KCNK2: variants seen among roughly 807,000 people sequenced by gnomAD.
KCNK2 encodes the protein potassium two pore domain channel subfamily K member 2, also known as potassium channel subfamily K member 2.
KCNK2 carries 21 observed loss-of-function variants against 40.5 expected under a neutral mutation model. The ratio of observed to expected loss-of-function variants is 0.52; its 90% CI spans 0.37 to 0.75. The LOEUF (loss-of-function observed/expected upper bound fraction) is 0.75, where lower values mean the gene tolerates loss of function less well. Ranked by LOEUF, KCNK2 falls within the 30% of genes least tolerant of loss-of-function variation. The pLI is 0.00. For synonymous variants in KCNK2, 191 were observed against 202.2 expected (o/e 0.94, Z 0.47); for missense variants, 399 against 531.6 (o/e 0.75, Z 2.45).
chr1:215,158,912 G>A (rs1436041858), intron 3 of KCNK2, among the ~76,000 whole-genome samples: 2 of 151,944 alleles, frequency 1.3e-5, no homozygotes, highest in Non-Finnish European at 2.9e-5. Flanking sequence ...TCAAGTTTTT[G>A]GTACTCAGTT....
At chr1:215,178,622 GT>G (rs1664093252) in intron 5 of KCNK2, among the ~76,000 whole-genome samples, 1 of 152,038 alleles carries the variant, frequency 6.6e-6, no homozygotes, top group African/African-American at 2.4e-5. Context: ...TGATAGTATG[GT>G]TCTTGTTTTT....
At chr1:215,113,512 C>A (rs1660792501) in intron 2 of KCNK2, among the ~76,000 whole-genome samples, 1 of 152,204 alleles carries the variant, frequency 6.6e-6, no homozygotes, top group African/African-American at 2.4e-5. Flanking sequence ...TCACAAGGTT[C>A]TGGTGAAGCC....
intron 6 of KCNK2, among the ~76,000 whole-genome samples, chr1:215,215,848 C>A (rs952096699): frequency 6.6e-6 from 1 of 152,280 alleles, no homozygotes; most frequent in East Asian, 1.9e-4. Context: ...TCAGGGTAAG[C>A]CCCTGCACTC....
chr1:215,197,805 G>A (rs2102668982), intron 6 of KCNK2, among the ~76,000 whole-genome samples: 1 of 152,288 alleles, frequency 6.6e-6, no homozygotes, highest in Admixed American at 6.5e-5. Flanking sequence ...TTTAAGATCA[G>A]TCTAGCCAAC....
At chr1:215,008,864 C>T (rs1656278913) in intron 1 of KCNK2, among the ~76,000 whole-genome samples, 1 of 150,728 alleles carries the variant, frequency 6.6e-6, no homozygotes, top group South Asian at 2.1e-4. Context: ...AGAATGCATG[C>T]TTTTTTTTTA....
chr1:215,119,953 T>C (rs1410116342), intron 2 of KCNK2, among the ~76,000 whole-genome samples: 1 of 152,180 alleles, frequency 6.6e-6, no homozygotes, highest in Non-Finnish European at 1.5e-5. Context: ...GGACATCCAG[T>C]TTCCTGTGGA....
At chr1:215,187,193 C>T (rs1224837569) in intron 5 of KCNK2, among the ~76,000 whole-genome samples, 2 of 152,140 alleles carry the variant, frequency 1.3e-5, no homozygotes, top group African/African-American at 4.8e-5. Context: ...TGGTCTTGAA[C>T]TCCTGGGCTC....
At position 215,057,886 on chromosome 1, in the gene KCNK2, A is replaced by G. The variant is rs555626626; in HGVS notation, c.35-28482A>G. On this transcript the variant is annotated intron_variant, in intron 1 of 6. Coordinates refer to the KCNK2 transcript ENST00000391895. Reference sequence around the variant, plus strand: ...CATATCTTCCTTACAGGGAAGCTGCAAGAAATAATTCAGACAATAAATGTG... The same window carrying G: ...CATATCTTCCTTACAGGGAAGCTGCGAGAAATAATTCAGACAATAAATGTG... 3.9e-5 allele frequency among the ~76,000 whole-genome samples: 6 copies of G among 152,216 alleles called. No individual in the cohort carries two copies. In the South Asian group the frequency reaches 1.0e-3, roughly 26 times the overall value.
intron 4 of KCNK2, among the ~76,000 whole-genome samples, chr1:215,171,438 T>A (rs556903071): frequency 1.3e-5 from 2 of 152,154 alleles, no homozygotes; most frequent in Non-Finnish European, 2.9e-5. Flanking sequence ...GTTAGTATTA[T>A]GCTGTAATCA....
intron 1 of KCNK2, among the ~76,000 whole-genome samples, chr1:215,029,517 T>C (rs1657111852): frequency 6.8e-6 from 1 of 147,622 alleles, no homozygotes; most frequent in Admixed American, 6.8e-5. Context: ...AGAATATATT[T>C]AGATATTTAA....
intron 2 of KCNK2, among the ~76,000 whole-genome samples, chr1:215,106,461 C>A (rs2102557061): frequency 6.6e-6 from 1 of 151,772 alleles, no homozygotes; most frequent in South Asian, 2.1e-4. Context: ...ATTTAAGTTC[C>A]TTATGAATTC....
chr1:215,204,507 T>C (rs983301816), intron 6 of KCNK2, among the ~76,000 whole-genome samples: 1 of 152,170 alleles, frequency 6.6e-6, no homozygotes, highest in Non-Finnish European at 1.5e-5. Flanking sequence ...CAAGATATAA[T>C]ATTATTTTTC....
Position 215,115,499 on chromosome 1 carries a change from T to C in KCNK2, c.358-9134T>C, listed in dbSNP as rs145566074. 2.1e-3 allele frequency among the ~76,000 whole-genome samples: 315 copies of C among 152,216 alleles called. 1 individual carries two copies. Among genetic ancestry groups the C allele is most frequent in the African/African-American group, 7.5e-3 (311 of 41,562 alleles). On this transcript the variant is annotated intron_variant, in intron 2 of 6. Coordinates refer to ENST00000444842, the MANE Select transcript of KCNK2 (RefSeq NM_001017425.3). ...TTAGTGTAGCACGCCTTGGGCAACA[T>C]GGTACAAAAATATTGTTTCAGGTAC...
intron 6 of KCNK2, among the ~76,000 whole-genome samples, chr1:215,229,373 G>A (rs146169269): frequency 0.013 from 1,957 of 152,152 alleles, 14 homozygotes; most frequent in Middle Eastern, 0.031. Flanking sequence ...GTACAACAAA[G>A]AGGGAACAGG....
chr1:215,131,150 G>T (rs1167729140), intron 3 of KCNK2, among the ~76,000 whole-genome samples: 1 of 151,550 alleles, frequency 6.6e-6, no homozygotes, highest in African/African-American at 2.4e-5. Context: ...GTGAGCCACC[G>T]CGCCCAGCAA....
chr1:215,062,043 T>C (rs1052970353), intron 1 of KCNK2, among the ~76,000 whole-genome samples: 1 of 152,184 alleles, frequency 6.6e-6, no homozygotes, highest in African/African-American at 2.4e-5. Flanking sequence ...TGTAATATAA[T>C]AATAGATGCT....
chr1:215,196,384 G>C (rs1664865878), intron 6 of KCNK2, among the ~76,000 whole-genome samples: 1 of 152,084 alleles, frequency 6.6e-6, no homozygotes, highest in Non-Finnish European at 1.5e-5. Flanking sequence ...ACCGTGCCAG[G>C]CCAAGTCATA....
At chr1:215,234,784 C>A (rs372121387) in intron 6 of KCNK2, 44 bp from the exon 7 acceptor site, 2 of 1,497,766 alleles carry the variant, frequency 1.3e-6, no homozygotes, top group East Asian at 2.3e-5. Flanking sequence ...AAATGTTGAT[C>A]GGCATGTCAA....
At chr1:215,045,740 G>A (rs1290098250) in intron 1 of KCNK2, among the ~76,000 whole-genome samples, 1 of 152,106 alleles carries the variant, frequency 6.6e-6, no homozygotes, top group East Asian at 1.9e-4. Flanking sequence ...GATGCCCTAT[G>A]TCTTCACAAT....
Sources: gnomAD v4.1 joint callset for allele counts (sites outside exome capture counted in the v4.1 genomes callset) on GRCh38, gnomAD v4.1.1 for gene constraint, MANE v1.5 for transcripts, NCBI Gene and HGNC (gene_info 2026-07-23, HGNC 2026-07-21) for gene names.